The following DAB2IP variants were observed in gnomAD, a reference collection of about 807,000 sequenced individuals.
DAB2IP encodes disabled homolog 2-interacting protein.
Under a neutral mutation model 107.2 loss-of-function variants are expected in DAB2IP, and 28 were observed. The observed-to-expected ratio is 0.26, with a 90% CI of 0.19 to 0.36. The LOEUF (loss-of-function observed/expected upper bound fraction) is 0.36. Among genes scored for constraint, DAB2IP ranks in the 10% least tolerant of loss-of-function variants. DAB2IP has a pLI of 1.00. For synonymous variants in DAB2IP, 755 were observed against 706.4 expected (o/e 1.07, Z -1.09); for missense variants, 1,400 against 1,644.7 (o/e 0.85, Z 2.57).
exon 12 of DAB2IP, chr9:121,773,349 A>C: frequency 1.5e-6 from 2 of 1,369,802 alleles, no homozygotes; most frequent in Non-Finnish European, 1.9e-6. Context: ...CAACCTGCTG[A>C]GCACCCTGCA....
chr9:121,571,928 C>A (rs905998954), intron 1 of DAB2IP, among the ~76,000 whole-genome samples: 4 of 152,040 alleles, frequency 2.6e-5, no homozygotes, highest in Admixed American at 6.5e-5. Context: ...TCGGCACTAA[C>A]CCCTGCAGAG....
At chr9:121,721,204 G>C (rs531936151) in intron 3 of DAB2IP, among the ~76,000 whole-genome samples, 58 of 152,254 alleles carry the variant, frequency 3.8e-4, no homozygotes, top group African/African-American at 1.4e-3. Flanking sequence ...ATAACAATAG[G>C]GAGATCTGGA....
At chr9:121,762,521 C>T (rs994380477) in intron 6 of DAB2IP, among the ~76,000 whole-genome samples, 1 of 152,186 alleles carries the variant, frequency 6.6e-6, no homozygotes, top group African/African-American at 2.4e-5. Flanking sequence ...CCCTCTGTGC[C>T]TCTGCTGTGC....
intron 2 of DAB2IP, among the ~76,000 whole-genome samples, chr9:121,696,176 C>G (rs919344033): frequency 6.6e-6 from 1 of 152,176 alleles, no homozygotes; most frequent in Non-Finnish European, 1.5e-5. Context: ...GCAACTTTAT[C>G]CACTTTTATC....
chr9:121,650,301 G>C (rs1832692646), upstream of DAB2IP, among the ~76,000 whole-genome samples: 1 of 152,194 alleles, frequency 6.6e-6, no homozygotes, highest in African/African-American at 2.4e-5. Context: ...CCCCTGGTCA[G>C]GGAAGGCGCC....
chr9:121,658,734 A>T (rs750551869), intron 1 of DAB2IP, among the ~76,000 whole-genome samples: 1 of 152,188 alleles, frequency 6.6e-6, no homozygotes, highest in Non-Finnish European at 1.5e-5. Context: ...TAGACAGACC[A>T]CCTGTATGTT....
intron 1 of DAB2IP, among the ~76,000 whole-genome samples, chr9:121,595,136 C>T (rs2118937967): frequency 6.6e-6 from 1 of 152,066 alleles, no homozygotes; most frequent in East Asian, 1.9e-4. Flanking sequence ...AGTCTTTGTG[C>T]TAGGTATTTC....
chr9:121,658,817 A>G (rs1231843377), intron 1 of DAB2IP, among the ~76,000 whole-genome samples: 3 of 152,100 alleles, frequency 2.0e-5, no homozygotes, highest in Non-Finnish European at 4.4e-5. Context: ...CGAATCTCAG[A>G]TCCACAACTG....
intron 1 of DAB2IP, among the ~76,000 whole-genome samples, chr9:121,623,724 A>T (rs147470126): frequency 6.6e-6 from 1 of 150,748 alleles, no homozygotes; most frequent in Admixed American, 6.6e-5. Context: ...GTCTTGCTCT[A>T]TTGCCCAGGT....
intron 1 of DAB2IP, among the ~76,000 whole-genome samples, chr9:121,603,566 G>A (rs1021719144): frequency 6.6e-6 from 1 of 152,110 alleles, no homozygotes. Context: ...TGACAATAAG[G>A]CACTCTGGCC....
chr9:121,633,582 G>T lies in DAB2IP; in HGVS notation c.41-45096G>T, dbSNP rs1328133511. Among the ~76,000 whole-genome samples the T allele has an allele frequency of 6.6e-6, 1 of 152,184 alleles. No individual in the cohort carries two copies. The highest frequency in any genetic ancestry group is 2.1e-4 in the South Asian group (1 of 4,818). On this transcript the variant is annotated intron_variant, in intron 1 of 16. Transcript: ENST00000259371. The surrounding 1 kb of genome is among the most constrained non-coding windows in gnomAD (Gnocchi z 5.1). The stretch of plus-strand genomic sequence containing the variant: ...CTGGAATGGGCTGCTCTGGGAACTC[G>T]AGGAGACTCTTTTCATTAGGCTTTT...
chr9:121,630,204 A>G (rs1831822757), intron 1 of DAB2IP, among the ~76,000 whole-genome samples: 1 of 152,176 alleles, frequency 6.6e-6, no homozygotes, highest in Non-Finnish European at 1.5e-5. Context: ...TCAAAATTAC[A>G]ATAGTTATTA....
At position 121,699,475 on chromosome 9, in the gene DAB2IP, C is replaced by T; in HGVS notation, c.362+17C>T. On this transcript the variant is annotated intron_variant, in intron 3 of 15. Transcript: ENST00000408936. The surrounding 1 kb of genome is among the most constrained non-coding windows in gnomAD (Gnocchi z 6.2). ...CAATGAGAGGTGAGCCCGCCGCCGC[C>T]GCCCGGTCCCCCGCGCCGCCGCCCC... 1 of 1,306,426 alleles carries T rather than the reference C, an allele frequency of 7.7e-7. No individual in the cohort carries two copies. The highest frequency in any genetic ancestry group is 9.8e-7 in the Non-Finnish European group (1 of 1,022,056). 80.9% of individuals were successfully genotyped at this position (1,306,426 alleles called of 1,614,324 possible). A position where few individuals can be genotyped will look rare whatever the true frequency, so the allele number is the denominator to read the frequency against.
intron 1 of DAB2IP, among the ~76,000 whole-genome samples, chr9:121,667,178 C>T (rs1398903232): frequency 1.3e-5 from 2 of 151,808 alleles, no homozygotes; most frequent in Non-Finnish European, 2.9e-5. Context: ...GCCTGACTAA[C>T]TTTTTGTCTT....
At chr9:121,623,367 G>C (rs1032949691) in intron 1 of DAB2IP, among the ~76,000 whole-genome samples, 3 of 152,146 alleles carry the variant, frequency 2.0e-5, no homozygotes, top group Non-Finnish European at 1.5e-5. Context: ...TGTTGTTGTT[G>C]TTGTTCTTTT....
intron 1 of DAB2IP, among the ~76,000 whole-genome samples, chr9:121,625,541 C>T (rs776427769): frequency 4.6e-5 from 7 of 152,030 alleles, no homozygotes; most frequent in African/African-American, 1.2e-4. Context: ...GGATTATAGG[C>T]GTGAGCCACC....
Position 121,638,134 on chromosome 9 carries a change from G to A in DAB2IP, c.41-40544G>A, listed in dbSNP as rs190416201. Among the ~76,000 whole-genome samples, 14 of 152,208 alleles carry A rather than the reference G, an allele frequency of 9.2e-5. No homozygotes were observed. The East Asian group carries it at 2.3e-3, about 25-fold the overall frequency. ...TCAAAAAATATGCAGTCGGCCCTCC[G>A]AATCTATGGGTTCTGCATCTGTGGA... On this transcript the variant is annotated intron_variant, in intron 1 of 16. Transcript: ENST00000259371.
chr9:121,635,193 T>C lies in DAB2IP; in HGVS notation c.41-43485T>C, dbSNP rs1047485335. Reference sequence around the variant, plus strand: ...GCAGGTGGAGAAAGAGAGCCGTGTGTGGGGTCAAGGAGACCCTGGGGCTGT... The same window carrying C: ...GCAGGTGGAGAAAGAGAGCCGTGTGCGGGGTCAAGGAGACCCTGGGGCTGT... On this transcript the variant is annotated intron_variant, in intron 1 of 16. Coordinates refer to the DAB2IP transcript ENST00000259371. The surrounding 1 kb of genome is among the most constrained non-coding windows in gnomAD (Gnocchi z 4.3). 9.9e-5 allele frequency among the ~76,000 whole-genome samples: 15 copies of C among 152,074 alleles called. No individual in the cohort carries two copies. Among genetic ancestry groups the C allele is most frequent in the African/African-American group, 3.6e-4 (15 of 41,402 alleles).
chr9:121,708,475 T>C (rs979886703), intron 3 of DAB2IP, among the ~76,000 whole-genome samples: 3 of 152,348 alleles, frequency 2.0e-5, no homozygotes, highest in Admixed American at 1.3e-4. Flanking sequence ...ACCAGTGCCC[T>C]GGGTCTCCTG....
Sources: gnomAD v4.1 joint callset for allele counts (sites outside exome capture counted in the v4.1 genomes callset) on GRCh38, gnomAD v4.1.1 for gene constraint, Gnocchi (gnomAD v3.1) non-coding constraint, MANE v1.5 for transcripts, NCBI Gene and HGNC (gene_info 2026-07-23, HGNC 2026-07-21) for gene names.